The following TRHDE variants were observed in gnomAD, a reference collection of about 807,000 sequenced individuals.
TRHDE encodes the protein thyrotropin releasing hormone degrading enzyme.
Under a neutral mutation model 125.7 loss-of-function variants are expected in TRHDE, and 72 were observed. That is an observed-to-expected ratio of 0.57 (90% CI 0.47 to 0.70). The LOEUF (loss-of-function observed/expected upper bound fraction) is 0.70. Ranked by LOEUF, TRHDE falls within the 30% of genes least tolerant of loss-of-function variation. The pLI, the probability that TRHDE is intolerant of heterozygous loss-of-function variation, is 0.00. For missense variants in TRHDE, 1,110 were observed against 1,327.1 expected, an observed-to-expected ratio of 0.84 and a Z score of 2.54; for synonymous variants, 509 against 509.1, an observed-to-expected ratio of 1.00 and a Z score of 0.00.
At chr12:72,592,781 G>A (rs1272409808) in intron 12 of TRHDE, among the ~76,000 whole-genome samples, 1 of 151,616 alleles carries the variant, frequency 6.6e-6, no homozygotes, top group African/African-American at 2.4e-5. Context: ...TGCGATCTCG[G>A]CTCACTGCAA....
Position 72,485,180 on chromosome 12 carries a change from C to T in TRHDE, c.1584+12000C>T, listed in dbSNP as rs372740294. 2.3e-4 allele frequency among the ~76,000 whole-genome samples: 35 copies of T among 152,220 alleles called. No individual in the cohort carries two copies. The East Asian group carries it at 4.3e-3, about 19-fold the overall frequency. On this transcript the variant is annotated intron_variant, in intron 5 of 18. Transcript: ENST00000261180. ...CCAGAGTCCACACACTGAGCTACAC[C>T]CAGAGAAGGAGTGTGGCTATTCCCC...
chr12:72,390,658 T>C (rs1238709064), intron 3 of TRHDE, among the ~76,000 whole-genome samples: 1 of 152,228 alleles, frequency 6.6e-6, no homozygotes, highest in African/African-American at 2.4e-5. Flanking sequence ...GTAACAGTGT[T>C]CTTTATCCAG....
intron 5 of TRHDE, among the ~76,000 whole-genome samples, chr12:72,477,914 C>G (rs1266921218): frequency 2.2e-4 from 34 of 151,954 alleles, no homozygotes; most frequent in Admixed American, 2.1e-3. Flanking sequence ...GAAAGTGCTT[C>G]TATAATGAGA....
rs1249212263 is a variant in TRHDE, at chr12:72,512,634, TATC to T, written c.1722+13002_1722+13004del. ...TTATATATAATCATATATATCATAT[TATC>T]ATATATAATCATATATAATATATAA... On this transcript the variant is annotated intron_variant, in intron 6 of 18. Transcript: ENST00000261180. Among the ~76,000 whole-genome samples, 11 of 142,944 alleles carry T rather than the reference TATC, an allele frequency of 7.7e-5. No homozygotes were observed. In the East Asian group the frequency reaches 8.0e-4, roughly 10 times the overall value. The allele number at this position is 142,944 out of a possible 152,430, so 93.8% of individuals were successfully genotyped here.
chr12:72,306,329 A>G (rs1029871319), intron 2 of TRHDE, among the ~76,000 whole-genome samples: 1 of 152,228 alleles, frequency 6.6e-6, no homozygotes, highest in Non-Finnish European at 1.5e-5. Flanking sequence ...TGGACTAAGC[A>G]TGATACCTCT....
rs189084659 is a variant in TRHDE, at chr12:72,466,210, C to T, written c.1316-3548C>T. Among the ~76,000 whole-genome samples the T allele has an allele frequency of 2.0e-5, 3 of 152,288 alleles. No individual in the cohort carries two copies. The East Asian group carries it at 5.8e-4, about 29-fold the overall frequency. On this transcript the variant is annotated intron_variant, in intron 3 of 18. Transcript: ENST00000261180. Reference sequence around the variant, plus strand: ...GGCTTTTGCTATCTGACAACTGCCCCCAAGTCTACCTTCCTCTTTATTCCA... The same window carrying T: ...GGCTTTTGCTATCTGACAACTGCCCTCAAGTCTACCTTCCTCTTTATTCCA...
intron 6 of TRHDE, among the ~76,000 whole-genome samples, chr12:72,525,407 A>T (rs1362426488): frequency 6.6e-6 from 1 of 152,064 alleles, no homozygotes; most frequent in Non-Finnish European, 1.5e-5. Context: ...TTTAAAACTA[A>T]ATAATATATT....
chr12:72,347,827 C>T (rs1221193284), intron 2 of TRHDE, among the ~76,000 whole-genome samples: 3 of 152,026 alleles, frequency 2.0e-5, no homozygotes, highest in Admixed American at 6.6e-5. Context: ...TCTTGTCTAA[C>T]TCAATCTTAG....
chr12:72,400,792 C>T (rs1366008461), intron 3 of TRHDE, among the ~76,000 whole-genome samples: 1 of 152,126 alleles, frequency 6.6e-6, no homozygotes, highest in Non-Finnish European at 1.5e-5. Context: ...ATTTCCAAAA[C>T]ACTTTGCGTG....
chr12:72,568,721 C>G, intron 10 of TRHDE, 65 bp downstream of exon 10: 1 of 1,053,800 alleles, frequency 9.5e-7, no homozygotes, highest in Non-Finnish European at 1.4e-6. Flanking sequence ...AACTTAACCT[C>G]TGGTTTCAGC....
chr12:72,275,996 A>T (rs936707424), intron 1 of TRHDE, among the ~76,000 whole-genome samples: 2 of 152,070 alleles, frequency 1.3e-5, no homozygotes, highest in African/African-American at 4.8e-5. Context: ...TTATTATTAG[A>T]GTAAATCTTA....
At chr12:72,276,810 T>C (rs1879503616) in intron 1 of TRHDE, among the ~76,000 whole-genome samples, 1 of 152,218 alleles carries the variant, frequency 6.6e-6, no homozygotes, top group Non-Finnish European at 1.5e-5. Flanking sequence ...TTAGGCAGAA[T>C]ACATACTCAC....
At chr12:72,388,651 C>T (rs957164261) in intron 3 of TRHDE, among the ~76,000 whole-genome samples, 4 of 152,122 alleles carry the variant, frequency 2.6e-5, no homozygotes, top group Non-Finnish European at 4.4e-5. Flanking sequence ...CAAGAAAACT[C>T]TTCTCTGTAA....
At chr12:72,292,105 A>G (rs546708730) in intron 2 of TRHDE, among the ~76,000 whole-genome samples, 8 of 152,370 alleles carry the variant, frequency 5.3e-5, no homozygotes, top group Non-Finnish European at 1.2e-4. Flanking sequence ...GCTTTGTGGA[A>G]TAAAAATTCT....
intron 2 of TRHDE, among the ~76,000 whole-genome samples, chr12:72,370,837 C>T (rs1027844903): frequency 4.6e-5 from 7 of 151,894 alleles, no homozygotes; most frequent in Non-Finnish European, 7.4e-5. Context: ...CTGCCTGCAC[C>T]GTTCAAGCAA....
chr12:72,382,937 T>C (rs1592406260), intron 3 of TRHDE, among the ~76,000 whole-genome samples: 1 of 152,236 alleles, frequency 6.6e-6, no homozygotes, highest in South Asian at 2.1e-4. Context: ...TTTATCGGGA[T>C]AGTTCCCTAA....
chr12:72,377,542 T>A (rs1480587268), intron 2 of TRHDE, among the ~76,000 whole-genome samples: 1 of 152,126 alleles, frequency 6.6e-6, no homozygotes, highest in African/African-American at 2.4e-5. Flanking sequence ...GCATAAATTA[T>A]AGATATATAT....
In TRHDE at chr12:72,377,799, T is replaced by C. The variant is rs186567277; in HGVS notation, c.1189-196T>C. Among the ~76,000 whole-genome samples the C allele has an allele frequency of 1.2e-4, 18 of 152,294 alleles. No individual in the cohort carries two copies. In the East Asian group the frequency reaches 2.7e-3, roughly 23 times the overall value. On this transcript the variant is annotated intron_variant, in intron 2 of 18. Transcript: ENST00000261180. ...AAAGCGAGGAAATTGTGACTTGCTC[T>C]CCTTGGTTACTTCAATTACTTCAAT...
chr12:72,466,841 T>G (rs2135893232), intron 3 of TRHDE, among the ~76,000 whole-genome samples: 1 of 152,296 alleles, frequency 6.6e-6, no homozygotes, highest in Admixed American at 6.5e-5. Context: ...AATCACTATC[T>G]TACTCTGTTA....
Sources: allele counts gnomAD v4.1 joint callset (sites outside exome capture counted in the v4.1 genomes callset), GRCh38; gene constraint gnomAD v4.1.1; transcripts MANE v1.5; gene names NCBI Gene and HGNC (gene_info 2026-07-23, HGNC 2026-07-21).